NFIC: variants seen among roughly 807,000 people sequenced by gnomAD.
NFIC encodes nuclear factor I C.
NFIC carries 12 observed loss-of-function variants against 54.4 expected under a neutral mutation model. The ratio of observed to expected loss-of-function variants is 0.22; its 90% CI spans 0.14 to 0.36. NFIC has a LOEUF of 0.36. Ranked by LOEUF, NFIC falls within the 10% of genes least tolerant of loss-of-function variation. The pLI is 1.00. For synonymous variants in NFIC, 322 were observed against 319.2 expected (o/e 1.01, Z -0.09); for missense variants, 575 against 718.2 (o/e 0.80, Z 2.28).
At chr19:3,392,584 A>T (rs762690243) in intron 2 of NFIC, among the ~76,000 whole-genome samples, 4 of 152,006 alleles carry the variant, frequency 2.6e-5, no homozygotes, top group Non-Finnish European at 4.4e-5. Context: ...GCCCTCCCAG[A>T]GCCAGTGGGA....
chr19:3,373,042 A>G (rs568320186), intron 1 of NFIC, among the ~76,000 whole-genome samples: 1 of 151,946 alleles, frequency 6.6e-6, no homozygotes, highest in African/African-American at 2.4e-5. Flanking sequence ...ATGGGGTTTC[A>G]CCATGTTGGC....
At chr19:3,392,454 C>A (rs2081391054) in intron 2 of NFIC, among the ~76,000 whole-genome samples, 1 of 152,192 alleles carries the variant, frequency 6.6e-6, no homozygotes, top group Admixed American at 6.5e-5. Context: ...AGGAGTAGGT[C>A]CTCCCACCAC....
rs2082605535 is a variant in NFIC at position 3,459,224 on chromosome 19, C to T, written c.1509+2589C>T. On this transcript the variant is annotated intron_variant, in intron 10 of 10. Coordinates refer to ENST00000443272, the MANE Select transcript of NFIC (RefSeq NM_001245002.2). This position sits in a 1 kb window ranked among gnomAD's most constrained non-coding sequence, Gnocchi z 4.2. Reference sequence around the variant, plus strand: ...CGCCTTTCCCTCTGCCTCTCCGGCTCCCGACACCCCCCAGTCCATGGACTC... The same window carrying T: ...CGCCTTTCCCTCTGCCTCTCCGGCTTCCGACACCCCCCAGTCCATGGACTC... 2.0e-5 allele frequency among the ~76,000 whole-genome samples: 3 copies of T among 151,222 alleles called. No individual in the cohort carries two copies. Among genetic ancestry groups the T allele is most frequent in the Admixed American group, 2.0e-4 (3 of 15,176 alleles).
At chr19:3,446,221 G>C (rs1182902046) in intron 6 of NFIC, among the ~76,000 whole-genome samples, 1 of 152,246 alleles carries the variant, frequency 6.6e-6, no homozygotes, top group Non-Finnish European at 1.5e-5. Context: ...ACTCCGTGTG[G>C]ATTTCAGTGT....
intron 2 of NFIC, among the ~76,000 whole-genome samples, chr19:3,397,721 G>A (rs148203689): frequency 1.5e-4 from 23 of 152,284 alleles, no homozygotes; most frequent in Admixed American, 1.0e-3. Context: ...GGCCACACCC[G>A]CCCCTTGGGG....
upstream of NFIC, among the ~76,000 whole-genome samples, chr19:3,363,235 G>GTGTGTGTGTGTC (rs1190561400): frequency 3.7e-5 from 2 of 54,398 alleles, no homozygotes; most frequent in African/African-American, 2.3e-4. Context: ...GTATGTGTAT[G>GTGTGTGTGTGTC]TGTGTGTATA....
At position 3,451,986 on chromosome 19, in the gene NFIC, G is replaced by A. The variant is rs60918756; in HGVS notation, c.1085-496G>A. ...ACAAAAGTTAGCCAGGCATGGCGGC[G>A]TGCACTTGTAATCCCAGCTACTCGG... On this transcript the variant is annotated intron_variant, in intron 7 of 10. Coordinates refer to ENST00000443272, the MANE Select transcript of NFIC (RefSeq NM_001245002.2). Among the ~76,000 whole-genome samples the A allele has an allele frequency of 5.8e-4, 88 of 151,746 alleles. 4 individuals carry two copies. The East Asian group carries it at 0.016, about 28-fold the overall frequency.
chr19:3,413,358 A>G (rs767952911), intron 2 of NFIC, among the ~76,000 whole-genome samples: 1 of 152,098 alleles, frequency 6.6e-6, no homozygotes, highest in East Asian at 1.9e-4. Flanking sequence ...CCCTCCTAAA[A>G]GGATTTACAG....
upstream of NFIC, among the ~76,000 whole-genome samples, chr19:3,364,073 A>G (rs1298755610): frequency 6.6e-6 from 1 of 152,092 alleles, no homozygotes; most frequent in African/African-American, 2.4e-5. Context: ...TTAGTTTTAT[A>G]GGTGGCAGTC....
At position 3,426,784 on chromosome 19, in the gene NFIC, T is replaced by C. The variant is rs543713366; in HGVS notation, c.634+1607T>C. On this transcript the variant is annotated intron_variant, in intron 3 of 10. Coordinates refer to ENST00000443272, the MANE Select transcript of NFIC (RefSeq NM_001245002.2). Reference sequence around the variant, plus strand: ...AGTCCTGCCTCAGGGCCGCTGCACATTCTGTTACCTCTGTCTAAACAGCCA... The same window carrying C: ...AGTCCTGCCTCAGGGCCGCTGCACACTCTGTTACCTCTGTCTAAACAGCCA... Among the ~76,000 whole-genome samples, 12 of 152,272 alleles carry C rather than the reference T, an allele frequency of 7.9e-5. No individual in the cohort carries two copies. In the East Asian group the frequency reaches 2.3e-3, roughly 29 times the overall value.
In NFIC at chr19:3,463,938, A is replaced by G; in HGVS notation, c.*1169A>G. ...CTCCAGCCTCTCCACCAGCCCCTCC[A>G]GTCAACCCTCATCGCCGTGCCCCCC... On this transcript the variant is annotated 3_prime_UTR_variant, in exon 11 of 11. Transcript: ENST00000443272. 3.2e-6 allele frequency: 3 copies of G among 927,778 alleles called. No individual in the cohort carries two copies. Among genetic ancestry groups the G allele is most frequent in the Non-Finnish European group, 3.7e-6 (3 of 808,532 alleles). 57.5% of individuals were successfully genotyped at this position (927,778 alleles called of 1,614,324 possible).
At chr19:3,372,221 A>G (rs965245986) in intron 1 of NFIC, among the ~76,000 whole-genome samples, 13 of 151,852 alleles carry the variant, frequency 8.6e-5, no homozygotes, top group African/African-American at 2.4e-5. Flanking sequence ...GGGTTTCACC[A>G]TGTTGGCCAG....
rs570905507 is a variant in NFIC at position 3,370,148 on chromosome 19, G to T, written c.30+3482G>T. On this transcript the variant is annotated intron_variant, in intron 1 of 10. Transcript: ENST00000443272. The surrounding 1 kb of genome is among the most constrained non-coding windows in gnomAD (Gnocchi z 5.2). ...GGAGCAGGGGGCCTGCAGCCCCTCA[G>T]TGCCGGGAGAGGGGCTAAGAGTCAG... 9.8e-5 allele frequency among the ~76,000 whole-genome samples: 15 copies of T among 152,340 alleles called. 1 individual carries two copies. Among genetic ancestry groups the T allele is most frequent in the Admixed American group, 9.1e-4 (14 of 15,302 alleles).
At chr19:3,394,524 C>CCCCG (rs1555744642) in intron 2 of NFIC, among the ~76,000 whole-genome samples, 2 of 23,050 alleles carry the variant, frequency 8.7e-5, no homozygotes, top group African/African-American at 1.1e-4. Flanking sequence ...TCCCCACCCA[C>CCCCG]CCCCCACCCG....
intron 2 of NFIC, among the ~76,000 whole-genome samples, chr19:3,420,813 C>T (rs2081942685): frequency 6.6e-6 from 1 of 151,936 alleles, no homozygotes; most frequent in Non-Finnish European, 1.5e-5. Flanking sequence ...AAATCCGCCT[C>T]CCGAGTTCAA....
chr19:3,395,907 T>G (rs1465089115), intron 2 of NFIC, among the ~76,000 whole-genome samples: 5 of 152,130 alleles, frequency 3.3e-5, no homozygotes, highest in Non-Finnish European at 7.4e-5. Flanking sequence ...CTTGAACTCC[T>G]GACCTCGGGT....
intron 2 of NFIC, among the ~76,000 whole-genome samples, chr19:3,417,107 G>C (rs181746344): frequency 0.037 from 5,535 of 149,774 alleles, 148 homozygotes; most frequent in East Asian, 0.11. Flanking sequence ...GGATGGTCTC[G>C]ATCTCCTGAC....
At chr19:3,393,214 C>T (rs934428196) in intron 2 of NFIC, among the ~76,000 whole-genome samples, 17 of 152,128 alleles carry the variant, frequency 1.1e-4, no homozygotes, top group African/African-American at 2.9e-4. Context: ...TGTGAGCCAC[C>T]GCGCCCAGAC....
chr19:3,367,479 C>G (rs981693277), intron 1 of NFIC, among the ~76,000 whole-genome samples: 2 of 82,968 alleles, frequency 2.4e-5, no homozygotes, highest in East Asian at 6.8e-4. Flanking sequence ...CCGTCCCCTC[C>G]CCCTCCCCCT....
Sources: allele counts gnomAD v4.1 joint callset (sites outside exome capture counted in the v4.1 genomes callset), GRCh38; gene constraint gnomAD v4.1.1; non-coding constraint Gnocchi (gnomAD v3.1); transcripts MANE v1.5; gene names NCBI Gene and HGNC (gene_info 2026-07-23, HGNC 2026-07-21).